PXN: variants seen among roughly 807,000 people sequenced by gnomAD.
PXN encodes the protein paxillin.
In PXN, 61 loss-of-function variants were observed where a neutral mutation model predicts 103.6. The ratio of observed to expected loss-of-function variants is 0.59; its 90% CI spans 0.48 to 0.73. The LOEUF (loss-of-function observed/expected upper bound fraction) is 0.73. Ranked by LOEUF, PXN falls within the 30% of genes least tolerant of loss-of-function variation. The pLI, the probability that PXN is intolerant of heterozygous loss-of-function variation, is 0.00. For missense variants in PXN, 1,274 were observed against 1,460.3 expected (o/e 0.87, Z 2.08); for synonymous variants, 562 against 607.8 (o/e 0.92, Z 1.11).
rs769037328 is a variant in PXN, at chr12:120,215,004, G to A, written c.2575-6C>T. 1.5e-5 allele frequency: 24 copies of A among 1,612,548 alleles called. No individual in the cohort carries two copies. In the South Asian group the frequency reaches 2.4e-4, roughly 16 times the overall value. On this transcript the variant is annotated splice_polypyrimidine_tract_variant and splice_region_variant and intron_variant, in intron 11 of 14. Transcript: ENST00000637617. This position sits in a 1 kb window ranked among gnomAD's most constrained non-coding sequence, Gnocchi z 4.9. ...TTCCCCATGGCGGTCACAACCTGAG[G>A]AGGAGATGGAATGCGGTCCAGGGCC...
Position 120,216,234 on chromosome 12 carries a change from G to C in PXN, c.2301+39C>G, listed in dbSNP as rs1238316428. ...GAGTGGGGGATGGCTCAGGCATTAG[G>C]ACAGGGGACAGAAAGGGAGGGGCTC... is the stretch of plus-strand genomic sequence containing the variant. On this transcript the variant is annotated intron_variant, in intron 9 of 14. Transcript: ENST00000637617. This position sits in a 1 kb window ranked among gnomAD's most constrained non-coding sequence, Gnocchi z 5.1. The C allele has an allele frequency of 4.7e-6, 6 of 1,274,832 alleles. No individual in the cohort carries two copies. In the East Asian group the frequency reaches 1.6e-4, roughly 33 times the overall value. 79.0% of individuals were successfully genotyped at this position (1,274,832 alleles called of 1,614,324 possible). A position where few individuals can be genotyped will look rare whatever the true frequency, so the allele number is the denominator to read the frequency against.
chr12:120,213,972 C>T lies in PXN; in HGVS notation c.2849G>A (p.Gly950Asp), dbSNP rs780500739. ...FGPEGFHEKD[G>D]KAYCRKDYFD... ...GTAGTCCTTGCGACAGTAGGCCTTG[C>T]CGTCCTTCTCGTGGAACCCTGGGGA... Residue 950 changes from glycine to aspartate, a missense_variant, in exon 14 of 15, where the codon GGC becomes GAC. Coordinates refer to ENST00000637617, the MANE Select transcript of PXN (RefSeq NM_001385981.1). The surrounding 1 kb of genome is among the most constrained non-coding windows in gnomAD (Gnocchi z 4.2). 2 of 1,612,254 alleles carry T rather than the reference C, an allele frequency of 1.2e-6. No individual in the cohort carries two copies. Among genetic ancestry groups the T allele is most frequent in the Non-Finnish European group, 1.7e-6 (2 of 1,179,402 alleles).
rs889576698 is a variant in PXN, at chr12:120,230,646, TTCCCC to T, written c.14-6274_14-6270del. Reference sequence around the variant, plus strand: ...TCTCCCCCCTCCCCCTGGCTCCAAGTTCCCCTCCCCTCCCCCAGCCCAGAGCACAT... The same window carrying T: ...TCTCCCCCCTCCCCCTGGCTCCAAGTTCCCCTCCCCCAGCCCAGAGCACAT... On this transcript the variant is annotated intron_variant, in intron 1 of 14. Coordinates refer to ENST00000637617, the MANE Select transcript of PXN (RefSeq NM_001385981.1). Among the ~76,000 whole-genome samples the T allele has an allele frequency of 1.7e-4, 24 of 141,972 alleles. No individual in the cohort carries two copies. In the East Asian group the frequency reaches 4.9e-3, roughly 29 times the overall value. The allele number at this position is 141,972 out of a possible 152,430, so 93.1% of individuals were successfully genotyped here. A position where few individuals can be genotyped will look rare whatever the true frequency, so the allele number is the denominator to read the frequency against.
rs776054329 is a variant in PXN at position 120,211,984 on chromosome 12, AGAGAT to A, written c.*325_*329del. 3.4e-5 allele frequency: 20 copies of A among 589,226 alleles called. No homozygotes were observed. The highest frequency in any genetic ancestry group is 3.4e-4 in the Admixed American group (18 of 53,554). 36.5% of individuals were successfully genotyped at this position (589,226 alleles called of 1,614,324 possible). A position where few individuals can be genotyped will look rare whatever the true frequency, so the allele number is the denominator to read the frequency against. On this transcript the variant is annotated 3_prime_UTR_variant, in exon 15 of 15. Transcript: ENST00000637617. The stretch of plus-strand genomic sequence containing the variant: ...CGGCTGCACTGCTGAAATATGAGGA[AGAGAT>A]GGCTCCAGTGTGGGGTGCTGGCCAG...
chr12:120,241,063 G>A (rs1278414928), intron 1 of PXN, among the ~76,000 whole-genome samples: 3 of 152,200 alleles, frequency 2.0e-5, no homozygotes, highest in Admixed American at 2.0e-4. Context: ...CTGGGGATCT[G>A]TGGACCACCT....
In PXN at chr12:120,211,844, T is replaced by C. The variant is rs1322673841; in HGVS notation, c.*470A>G. The C allele has an allele frequency of 2.1e-6, 1 of 480,426 alleles. No individual in the cohort carries two copies. The allele number at this position is 480,426 out of a possible 1,614,324, so 29.8% of individuals were successfully genotyped here. On this transcript the variant is annotated 3_prime_UTR_variant, in exon 15 of 15. Transcript: ENST00000637617. ...TGGATGGATGGATTTATGCTGGCATTGTCTGGAGGGAGCCGGGTGTCCCCC... is the reference window on the plus strand; with the variant it reads ...TGGATGGATGGATTTATGCTGGCATCGTCTGGAGGGAGCCGGGTGTCCCCC...
chr12:120,240,052 C>T (rs1889874570), intron 1 of PXN, among the ~76,000 whole-genome samples: 1 of 152,020 alleles, frequency 6.6e-6, no homozygotes, highest in Non-Finnish European at 1.5e-5. Flanking sequence ...TCAGGTCCAG[C>T]TCTGCCACTT....
Position 120,224,476 on chromosome 12 carries a change from C to G in PXN, c.14-99G>C. 1 of 870,902 alleles carries G rather than the reference C, an allele frequency of 1.1e-6. No individual in the cohort carries two copies. Among genetic ancestry groups the G allele is most frequent in the Non-Finnish European group, 2.0e-6 (1 of 510,762 alleles). The allele number at this position is 870,902 out of a possible 1,614,324, so 53.9% of individuals were successfully genotyped here. A position where few individuals can be genotyped will look rare whatever the true frequency, so the allele number is the denominator to read the frequency against. On this transcript the variant is annotated intron_variant, in intron 1 of 14. Transcript: ENST00000637617. The surrounding 1 kb of genome is among the most constrained non-coding windows in gnomAD (Gnocchi z 5.0). ...CCTGCACCTCAAGAGTTAATGCCTT[C>G]TAGCACCTGCCCCACCCATGGGAGA...
At chr12:120,263,808 C>T (rs1442183552) in intron 1 of PXN, among the ~76,000 whole-genome samples, 1 of 152,226 alleles carries the variant, frequency 6.6e-6, no homozygotes, top group Non-Finnish European at 1.5e-5. Flanking sequence ...AAATGGAAGA[C>T]TGTCAGAAGA....
Position 120,215,795 on chromosome 12 carries a change from TGGG to T in PXN, c.2302-137_2302-135del. The T allele has an allele frequency of 7.9e-7, 1 of 1,273,886 alleles. No homozygotes were observed. Among genetic ancestry groups the T allele is most frequent in the Non-Finnish European group, 1.0e-6 (1 of 969,476 alleles). 78.9% of individuals were successfully genotyped at this position (1,273,886 alleles called of 1,614,324 possible). On this transcript the variant is annotated intron_variant, in intron 9 of 14. Transcript: ENST00000637617. The surrounding 1 kb of genome is among the most constrained non-coding windows in gnomAD (Gnocchi z 4.9). ...TCTCCCCCACCGGCAGGACCAAAATTGGGGGAAAAAATCTGGAGAAAAAGAGCC... is the reference window on the plus strand; with the variant it reads ...TCTCCCCCACCGGCAGGACCAAAATTGGAAAAAATCTGGAGAAAAAGAGCC...
intron 1 of PXN, among the ~76,000 whole-genome samples, chr12:120,230,623 T>C (rs1887818112): frequency 6.6e-6 from 1 of 151,184 alleles, no homozygotes; most frequent in African/African-American, 2.4e-5. Flanking sequence ...AAGGCGGGTC[T>C]CCCCCCTCCC....
At chr12:120,254,895 C>T (rs1282992394) in intron 1 of PXN, among the ~76,000 whole-genome samples, 1 of 152,086 alleles carries the variant, frequency 6.6e-6, no homozygotes, top group African/African-American at 2.4e-5. Context: ...AAAATATTTC[C>T]TCAAGCTTAA....
chr12:120,215,794 T>C lies in PXN; in HGVS notation c.2302-133A>G, dbSNP rs894414812. On this transcript the variant is annotated intron_variant, in intron 9 of 14. Coordinates refer to ENST00000637617, the MANE Select transcript of PXN (RefSeq NM_001385981.1). This position sits in a 1 kb window ranked among gnomAD's most constrained non-coding sequence, Gnocchi z 4.9. The stretch of plus-strand genomic sequence containing the variant: ...TTCTCCCCCACCGGCAGGACCAAAA[T>C]TGGGGGAAAAAATCTGGAGAAAAAG... The C allele has an allele frequency of 8.0e-5, 101 of 1,265,624 alleles. No homozygotes were observed. Among genetic ancestry groups the C allele is most frequent in the Non-Finnish European group, 9.9e-5 (95 of 963,124 alleles). 78.4% of individuals were successfully genotyped at this position (1,265,624 alleles called of 1,614,324 possible).
Position 120,219,572 on chromosome 12 carries a change from G to C in PXN, c.1351C>G (p.Pro451Ala). ...SEVFGPERMP[P>A]SGAARSFQEV... ...TGGAAGCTTCGAGCAGCTCCAGAGGGGGGCATTCTCTCAGGCCCGAATACC... is the reference window on the plus strand; with the variant it reads ...TGGAAGCTTCGAGCAGCTCCAGAGGCGGGCATTCTCTCAGGCCCGAATACC... Residue 451 changes from proline to alanine, a missense_variant, in exon 7 of 15, where the codon CCC becomes GCC. Pro to Ala is a conservative substitution (Grantham distance 27). Coordinates refer to ENST00000637617, the MANE Select transcript of PXN (RefSeq NM_001385981.1). The surrounding 1 kb of genome is among the most constrained non-coding windows in gnomAD (Gnocchi z 6.5). 1.3e-6 allele frequency: 2 copies of C among 1,572,808 alleles called. No homozygotes were observed. The highest frequency in any genetic ancestry group is 1.7e-6 in the Non-Finnish European group (2 of 1,166,974).
At chr12:120,236,618 AG>A (rs1454642915) in intron 1 of PXN, among the ~76,000 whole-genome samples, 1 of 151,460 alleles carries the variant, frequency 6.6e-6, no homozygotes, top group Non-Finnish European at 1.5e-5. Context: ...CTAGGATTAC[AG>A]GTGCCTGCCA....
intron 1 of PXN, among the ~76,000 whole-genome samples, chr12:120,250,680 A>G (rs549885931): frequency 6.6e-6 from 1 of 152,178 alleles, no homozygotes; most frequent in African/African-American, 2.4e-5. Flanking sequence ...CCAAAACCCA[A>G]CTTAACACCA....
At chr12:120,244,519 G>A (rs1890710451) in intron 1 of PXN, among the ~76,000 whole-genome samples, 1 of 152,024 alleles carries the variant, frequency 6.6e-6, no homozygotes. Flanking sequence ...GTGGTGGCGG[G>A]CGCCTGTAGT....
Position 120,217,030 on chromosome 12 carries a change from A to G in PXN, c.1803T>C (p.Pro601=). 6.3e-7 allele frequency: 1 copy of G among 1,584,186 alleles called. No individual in the cohort carries two copies. The highest frequency in any genetic ancestry group is 8.5e-7 in the Non-Finnish European group (1 of 1,173,632). Residue 601 remains proline, a synonymous_variant, in exon 8 of 15, where the codon CCT becomes CCC. Transcript: ENST00000637617. This position sits in a 1 kb window ranked among gnomAD's most constrained non-coding sequence, Gnocchi z 4.1. ...GGGATGGGGTCCTGCTCAAGGTGGC[A>G]GGGTCCAGCCGGCGGCGAGGGGAGG... ...REPSPRRRLD[P]ATLSRTPSQE...
rs1170412100 is a variant in PXN at position 120,219,649 on chromosome 12, G to A, written c.1274C>T (p.Ser425Leu). The A allele has an allele frequency of 4.4e-6, 7 of 1,580,520 alleles. No homozygotes were observed. The highest frequency in any genetic ancestry group is 6.0e-6 in the Non-Finnish European group (7 of 1,171,624). Residue 425 changes from serine (S) to leucine (L), a missense_variant, in exon 7 of 15, where the codon TCG (serine) becomes TTG (leucine). By Grantham distance (145) the Ser-to-Leu change is moderately radical (BLOSUM62 -2). Transcript: ENST00000637617. This position sits in a 1 kb window ranked among gnomAD's most constrained non-coding sequence, Gnocchi z 6.5. ...GEPQGPPASP[S>L]CPEEALAATW... ...GGCAGCCAAGGCCTCCTCTGGGCAC[G>A]AAGGGCTGGCTGGTGGCCCCTGGGG... is the stretch of plus-strand genomic sequence containing the variant.
Sources: allele counts gnomAD v4.1 joint callset (sites outside exome capture counted in the v4.1 genomes callset), GRCh38; gene constraint gnomAD v4.1.1; non-coding constraint Gnocchi (gnomAD v3.1); transcripts MANE v1.5; gene names NCBI Gene and HGNC (gene_info 2026-07-23, HGNC 2026-07-21).